ANXA10: variants seen among roughly 807,000 people sequenced by gnomAD.
ANXA10 encodes annexin A10.
Under a neutral mutation model 53.5 loss-of-function variants are expected in ANXA10, and 49 were observed. That is an observed-to-expected ratio of 0.92 (90% CI 0.73 to 1.16). ANXA10 has a LOEUF of 1.16. ANXA10 is among the 50% of genes most tolerant of loss of function. The probability of loss-of-function intolerance (pLI) is 0.00; values close to 1 mark genes in which losing one functional copy is unlikely to be tolerated. For synonymous variants in ANXA10, 131 were observed against 128.9 expected (o/e 1.02, Z -0.11); for missense variants, 393 against 394.4 (o/e 1.00, Z 0.03).
chr4:168,147,373 G>A (rs932447819), intron 3 of ANXA10, among the ~76,000 whole-genome samples: 2 of 152,194 alleles, frequency 1.3e-5, no homozygotes, highest in African/African-American at 4.8e-5. Context: ...CAGGAAGGCA[G>A]CAAGTTTAAA....
intron 5 of ANXA10, 71 bp from the exon 6 acceptor site, chr4:168,165,176 T>C: frequency 3.0e-6 from 3 of 999,232 alleles, no homozygotes; most frequent in Admixed American, 2.3e-5. Context: ...GGAAATAACA[T>C]TAACTTACTC....
At chr4:168,162,459 C>T in intron 3 of ANXA10, 69 bp from the exon 4 acceptor site, 1 of 1,052,298 alleles carries the variant, frequency 9.5e-7, no homozygotes, top group Non-Finnish European at 1.5e-6. Flanking sequence ...AAAAGACTTT[C>T]TGCAATTATC....
intron 1 of ANXA10, among the ~76,000 whole-genome samples, chr4:168,114,117 T>C (rs1387942158): frequency 6.6e-6 from 1 of 152,206 alleles, no homozygotes; most frequent in African/African-American, 2.4e-5. Context: ...GTTTCAAATG[T>C]TAATCTTGTT....
intron 10 of ANXA10, among the ~76,000 whole-genome samples, chr4:168,183,572 C>T (rs1244867591): frequency 2.6e-5 from 4 of 152,136 alleles, no homozygotes; most frequent in Non-Finnish European, 4.4e-5. Context: ...TGTATTTTTG[C>T]TGTGTATGTG....
At chr4:168,147,238 A>C (rs2149473494) in intron 3 of ANXA10, among the ~76,000 whole-genome samples, 1 of 152,188 alleles carries the variant, frequency 6.6e-6, no homozygotes, top group South Asian at 2.1e-4. Flanking sequence ...CAGTTGATTT[A>C]CCCTAATATG....
intron 2 of ANXA10, among the ~76,000 whole-genome samples, chr4:168,132,214 T>C (rs1381056410): frequency 1.3e-5 from 2 of 152,046 alleles, no homozygotes; most frequent in East Asian, 3.8e-4. Context: ...TAGCTAAGAT[T>C]TGGAAGCAAC....
intron 3 of ANXA10, among the ~76,000 whole-genome samples, chr4:168,153,712 TA>T (rs1731547367): frequency 1.3e-5 from 2 of 152,122 alleles, no homozygotes; most frequent in East Asian, 3.8e-4. Context: ...TTACCTGAGT[TA>T]AATCTTTTAA....
chr4:168,156,264 A>ATATATTATATATAATAGTATATATTATAT (rs1456039594), intron 3 of ANXA10, among the ~76,000 whole-genome samples: 1,309 of 33,280 alleles, frequency 0.039, 33 homozygotes, highest in Non-Finnish European at 0.056. Flanking sequence ...TATATAATGT[A>ATATATTATATATAATAGTATATATTATAT]TATATTATAT....
intron 4 of ANXA10, 23 bp downstream of exon 4, chr4:168,162,664 T>C: frequency 1.9e-6 from 3 of 1,594,354 alleles, no homozygotes; most frequent in Non-Finnish European, 2.6e-6. Context: ...TCCAAAAATA[T>C]GCCTGTAACA....
At chr4:168,180,794 G>T (rs1732225021) in intron 9 of ANXA10, among the ~76,000 whole-genome samples, 1 of 152,130 alleles carries the variant, frequency 6.6e-6, no homozygotes, top group African/African-American at 2.4e-5. Context: ...GTATTAATTT[G>T]TTAACCTCTT....
chr4:168,174,264 C>T (rs560798076), intron 6 of ANXA10, among the ~76,000 whole-genome samples: 1 of 152,280 alleles, frequency 6.6e-6, no homozygotes, highest in Non-Finnish European at 1.5e-5. Context: ...GTCAGGCTGT[C>T]GATGGTGGAA....
At chr4:168,128,548 A>G (rs997271367) in intron 2 of ANXA10, among the ~76,000 whole-genome samples, 7 of 152,056 alleles carry the variant, frequency 4.6e-5, no homozygotes, top group Admixed American at 3.9e-4. Context: ...CAGTCAATCA[A>G]ACTTTTTGCT....
chr4:168,185,863 A>T (rs1008837056), intron 11 of ANXA10, among the ~76,000 whole-genome samples: 7 of 152,250 alleles, frequency 4.6e-5, no homozygotes, highest in Non-Finnish European at 7.3e-5. Flanking sequence ...AGCAATCTAA[A>T]GCCCAAGAGA....
At position 168,165,310 on chromosome 4, in the gene ANXA10, T is replaced by A. The variant is rs754529276; in HGVS notation, c.464T>A (p.Leu155His). 6.3e-7 allele frequency: 1 copy of A among 1,583,148 alleles called. No homozygotes were observed. The highest frequency in any genetic ancestry group is 8.6e-7 in the Non-Finnish European group (1 of 1,161,424). The change falls in exon 6 of 12, where the codon CTC becomes CAC. Residue 155 changes from leucine (L) to histidine (H), a missense_variant. By Grantham distance (99) the Leu-to-His change is moderately conservative. Transcript: ENST00000359299. The part of the protein sequence containing the change: ...SETSGHFRDT[L>H]MNLVQGTREE... ...ACCTCAGGACACTTCAGAGATACTCTCATGAACTTGGTCCAGGTATGGCAT... is the reference window on the plus strand; with the variant it reads ...ACCTCAGGACACTTCAGAGATACTCACATGAACTTGGTCCAGGTATGGCAT...
chr4:168,178,811 A>G (rs1215825997), intron 8 of ANXA10, among the ~76,000 whole-genome samples: 1 of 152,210 alleles, frequency 6.6e-6, no homozygotes, highest in Non-Finnish European at 1.5e-5. Flanking sequence ...TATTTTAATC[A>G]TCACAGAGAG....
chr4:168,156,104 A>ATATATAATATTTATTATAT (rs1324783231), intron 3 of ANXA10, among the ~76,000 whole-genome samples: 1 of 28,434 alleles, frequency 3.5e-5, no homozygotes, highest in African/African-American at 1.8e-4. Flanking sequence ...ATTATATATA[A>ATATATAATATTTATTATAT]ATATTATATT....
At chr4:168,118,229 C>A (rs1461788514) in intron 1 of ANXA10, among the ~76,000 whole-genome samples, 1 of 152,012 alleles carries the variant, frequency 6.6e-6, no homozygotes, top group Non-Finnish European at 1.5e-5. Context: ...GGGCCCTTGG[C>A]CTAATTAGCA....
chr4:168,172,971 G>T (rs1278691071), intron 6 of ANXA10, among the ~76,000 whole-genome samples: 1 of 151,960 alleles, frequency 6.6e-6, no homozygotes, highest in Non-Finnish European at 1.5e-5. Context: ...TGTATTTTTA[G>T]TAGAGACGGG....
At chr4:168,161,635 T>C (rs1265114935) in intron 3 of ANXA10, among the ~76,000 whole-genome samples, 1 of 152,206 alleles carries the variant, frequency 6.6e-6, no homozygotes, top group African/African-American at 2.4e-5. Flanking sequence ...TAGCATTGAA[T>C]CTATAAATTA....
Sources: allele counts gnomAD v4.1 joint callset (sites outside exome capture counted in the v4.1 genomes callset), GRCh38; gene constraint gnomAD v4.1.1; transcripts MANE v1.5; gene names NCBI Gene and HGNC (gene_info 2026-07-23, HGNC 2026-07-21).